The following TNRC6A variants were observed in gnomAD, a reference collection of about 807,000 sequenced individuals.
The protein encoded by TNRC6A is trinucleotide repeat containing adaptor 6A.
A neutral mutation model predicts 221.2 loss-of-function variants in TNRC6A; 44 were observed. That is an observed-to-expected ratio of 0.20 (90% CI 0.16 to 0.26). The LOEUF (loss-of-function observed/expected upper bound fraction) is 0.26, where lower values mean the gene tolerates loss of function less well. TNRC6A is among the 10% of genes least tolerant of loss of function. The pLI is 1.00. For missense variants in TNRC6A, 2,199 were observed against 2,404.4 expected, an observed-to-expected ratio of 0.91 and a Z score of 1.79; for synonymous variants, 847 against 838.5, an observed-to-expected ratio of 1.01 and a Z score of -0.18.
chr16:24,672,423 T>G (rs989459448), intron 2 of TNRC6A, among the ~76,000 whole-genome samples: 1 of 151,540 alleles, frequency 6.6e-6, no homozygotes, highest in Non-Finnish European at 1.5e-5. Context: ...CCACCGCGCC[T>G]GGCCCTTTGT....
chr16:24,790,937 A>C lies in TNRC6A; in HGVS notation c.2295A>C (p.Ala765=), dbSNP rs1163848678. The C allele has an allele frequency of 6.2e-7, 1 of 1,613,648 alleles. No individual in the cohort carries two copies. The highest frequency in any genetic ancestry group is 8.5e-7 in the Non-Finnish European group (1 of 1,179,752). ...CAACACAGACTTTTAACTCAGGGGCATGTATAGATAAGACTAGCCCTAATG... is the reference window on the plus strand; with the variant it reads ...CAACACAGACTTTTAACTCAGGGGCCTGTATAGATAAGACTAGCCCTAATG... ...SSATQTFNSG[A]CIDKTSPNGN... The change falls in exon 6 of 25, where the codon GCA becomes GCC. Residue 765 remains alanine (A), a synonymous_variant. Coordinates refer to ENST00000395799, the MANE Select transcript of TNRC6A (RefSeq NM_014494.4).
At chr16:24,708,830 T>C (rs1004359429) in intron 2 of TNRC6A, among the ~76,000 whole-genome samples, 5 of 152,338 alleles carry the variant, frequency 3.3e-5, no homozygotes, top group African/African-American at 4.8e-5. Context: ...GACATTATTT[T>C]GTTTCTCTTC....
intron 2 of TNRC6A, among the ~76,000 whole-genome samples, chr16:24,745,764 C>G (rs371260920): frequency 6.6e-6 from 1 of 151,272 alleles, no homozygotes; most frequent in East Asian, 1.9e-4. Flanking sequence ...GCCTCAGCCT[C>G]CCATGTAGCT....
At chr16:24,690,897 T>A (rs1048449184) in intron 2 of TNRC6A, among the ~76,000 whole-genome samples, 2 of 151,088 alleles carry the variant, frequency 1.3e-5, no homozygotes, top group Non-Finnish European at 2.9e-5. Context: ...AAGCTCCGCC[T>A]CCTGGGTTCA....
chr16:24,623,158 T>TTTAC (rs1455935335), intron 1 of TNRC6A, among the ~76,000 whole-genome samples: 32 of 106,924 alleles, frequency 3.0e-4, no homozygotes, highest in African/African-American at 1.1e-3. Flanking sequence ...TAAGAATTTA[T>TTTAC]TTATTTATTT....
At position 24,792,613 on chromosome 16, in the gene TNRC6A, CTTTTTTTTTTT is replaced by C. The variant is rs34670934; in HGVS notation, c.3175+811_3175+821del. ...ATTTTTTTTAATGAAACATTTATGGCTTTTTTTTTTTTTTTTTTTTTTTTTGCTTTGGACAA... is the reference window on the plus strand; with the variant it reads ...ATTTTTTTTAATGAAACATTTATGGCTTTTTTTTTTTTTTGCTTTGGACAA... On this transcript the variant is annotated intron_variant, in intron 6 of 24. Transcript: ENST00000395799. Among the ~76,000 whole-genome samples, 1,223 of 56,648 alleles carry C rather than the reference CTTTTTTTTTTT, an allele frequency of 0.022. 94 individuals are homozygous for C. The East Asian group carries it at 0.28, about 13-fold the overall frequency. The allele number at this position is 56,648 out of a possible 152,430, so 37.2% of individuals were successfully genotyped here. A position where few individuals can be genotyped will look rare whatever the true frequency, so the allele number is the denominator to read the frequency against.
At chr16:24,677,442 C>G (rs2055442601) in intron 2 of TNRC6A, among the ~76,000 whole-genome samples, 1 of 152,126 alleles carries the variant, frequency 6.6e-6, no homozygotes, top group Admixed American at 6.6e-5. Context: ...GGATTACAGA[C>G]GTAAGCCACA....
intron 2 of TNRC6A, among the ~76,000 whole-genome samples, chr16:24,737,790 G>C (rs1481074374): frequency 6.6e-6 from 1 of 152,220 alleles, no homozygotes; most frequent in Non-Finnish European, 1.5e-5. Flanking sequence ...TATGACGTCT[G>C]TGTTTTGTTG....
intron 18 of TNRC6A, among the ~76,000 whole-genome samples, chr16:24,813,566 C>T (rs1008087909): frequency 6.6e-6 from 1 of 152,204 alleles, no homozygotes; most frequent in Non-Finnish European, 1.5e-5. Flanking sequence ...CGATGCATCT[C>T]AGGCACTTAG....
chr16:24,707,350 G>GCACAAA (rs2056115854), intron 2 of TNRC6A, among the ~76,000 whole-genome samples: 1 of 149,506 alleles, frequency 6.7e-6, no homozygotes, highest in Admixed American at 6.7e-5. Flanking sequence ...GAACATGGGC[G>GCACAAA]CACACACACA....
intron 2 of TNRC6A, among the ~76,000 whole-genome samples, chr16:24,702,911 T>A (rs1200023006): frequency 6.6e-6 from 1 of 151,960 alleles, no homozygotes; most frequent in African/African-American, 2.4e-5. Flanking sequence ...GGCGGGCACC[T>A]GTAGTCCCAG....
At chr16:24,809,544 T>C in intron 18 of TNRC6A, 63 bp downstream of exon 18, 1 of 1,393,418 alleles carries the variant, frequency 7.2e-7, no homozygotes, top group Non-Finnish European at 9.4e-7. Flanking sequence ...AATACTAGAT[T>C]TAGGCCTTTA....
In TNRC6A at chr16:24,808,131, TTAG is replaced by T. The variant is rs538248441; in HGVS notation, c.4541-1213_4541-1211del. 1.6e-4 allele frequency among the ~76,000 whole-genome samples: 25 copies of T among 152,250 alleles called. No individual in the cohort carries two copies. In the South Asian group the frequency reaches 4.2e-3, roughly 25 times the overall value. ...GGCCAGGTGATGTCAGAGACAACAG[TTAG>T]TAGTAAAAGAATGATACCCAAGTAC... is the stretch of plus-strand genomic sequence containing the variant. On this transcript the variant is annotated intron_variant, in intron 17 of 24. Coordinates refer to ENST00000395799, the MANE Select transcript of TNRC6A (RefSeq NM_014494.4).
At chr16:24,622,877 G>C (rs531418713) in intron 1 of TNRC6A, among the ~76,000 whole-genome samples, 1 of 152,326 alleles carries the variant, frequency 6.6e-6, no homozygotes, top group Admixed American at 6.5e-5. Flanking sequence ...GGCGGAAAAG[G>C]TAAGAACCAG....
At chr16:24,711,690 C>A (rs1017633757) in intron 2 of TNRC6A, among the ~76,000 whole-genome samples, 1 of 151,948 alleles carries the variant, frequency 6.6e-6, no homozygotes, top group Admixed American at 6.6e-5. Context: ...AGTAGTATTC[C>A]ATTATATGGA....
At chr16:24,756,885 CTGTT>C (rs1295702350) in intron 3 of TNRC6A, among the ~76,000 whole-genome samples, 15 of 151,522 alleles carry the variant, frequency 9.9e-5, no homozygotes, top group South Asian at 2.1e-4. Flanking sequence ...TGTTTTTTGT[CTGTT>C]TGTTTTGTTT....
chr16:24,815,761 G>A (rs2058644085), intron 19 of TNRC6A: 1 of 174,090 alleles, frequency 5.7e-6, no homozygotes, highest in Admixed American at 5.5e-5. Flanking sequence ...GCTGAGGCAG[G>A]AGAATGGCGT....
intron 2 of TNRC6A, among the ~76,000 whole-genome samples, chr16:24,652,044 C>G (rs2141850306): frequency 6.6e-6 from 1 of 151,488 alleles, no homozygotes; most frequent in Middle Eastern, 3.4e-3. Context: ...AGAGAGGGAA[C>G]TTAGATGAAC....
upstream of TNRC6A, among the ~76,000 whole-genome samples, chr16:24,727,648 C>A (rs2056514410): frequency 6.6e-6 from 1 of 152,096 alleles, no homozygotes; most frequent in Non-Finnish European, 1.5e-5. Context: ...AACAGCTGTG[C>A]AAATGTTGAT....
Sources: gnomAD v4.1 joint callset for allele counts (sites outside exome capture counted in the v4.1 genomes callset) on GRCh38, gnomAD v4.1.1 for gene constraint, MANE v1.5 for transcripts, NCBI Gene and HGNC (gene_info 2026-07-23, HGNC 2026-07-21) for gene names.